Variants in PRKG1 observed in about 807,000 individuals in gnomAD.
PRKG1 encodes protein kinase cGMP-dependent 1, also known as cGMP-dependent protein kinase 1.
Under a neutral mutation model 88.1 loss-of-function variants are expected in PRKG1, and 35 were observed. That is an observed-to-expected ratio of 0.40 (90% CI 0.30 to 0.53). The LOEUF (loss-of-function observed/expected upper bound fraction) is 0.53, where lower values mean the gene tolerates loss of function less well. Ranked by LOEUF, PRKG1 falls within the 20% of genes least tolerant of loss-of-function variation. The pLI, the probability that PRKG1 is intolerant of heterozygous loss-of-function variation, is 0.59. For synonymous variants in PRKG1, 303 were observed against 292.5 expected (o/e 1.04, Z -0.37); for missense variants, 540 against 839.8 (o/e 0.64, Z 4.41).
intron 4 of PRKG1, among the ~76,000 whole-genome samples, chr10:51,860,445 G>A (rs1840843595): frequency 1.3e-5 from 2 of 152,174 alleles, no homozygotes; most frequent in African/African-American, 2.4e-5. Context: ...AGAAGGAAGT[G>A]ACACAAGTTA....
chr10:51,374,161 A>G (rs561515187), intron 2 of PRKG1, among the ~76,000 whole-genome samples: 8 of 149,824 alleles, frequency 5.3e-5, no homozygotes, highest in Admixed American at 3.3e-4. Flanking sequence ...GGTTTGTTAC[A>G]TAGGTATACA....
intron 3 of PRKG1, among the ~76,000 whole-genome samples, chr10:51,529,984 A>G (rs983599154): frequency 6.6e-6 from 1 of 152,036 alleles, no homozygotes; most frequent in Admixed American, 6.5e-5. Flanking sequence ...TAGCCTGGAG[A>G]TGCTTGCTCT....
chr10:51,113,740 A>AAAAC (rs1845033798), intron 1 of PRKG1, among the ~76,000 whole-genome samples: 1 of 127,922 alleles, frequency 7.8e-6, no homozygotes, highest in African/African-American at 2.6e-5. Flanking sequence ...AAAAAAAAAA[A>AAAAC]AAAAAAAAAC....
chr10:51,395,249 G>A (rs980979056), intron 2 of PRKG1, among the ~76,000 whole-genome samples: 36 of 152,030 alleles, frequency 2.4e-4, no homozygotes, highest in African/African-American at 8.5e-4. Context: ...CTTGCATATG[G>A]GACTTTAAGG....
chr10:51,254,326 T>A (rs998853525), intron 2 of PRKG1, among the ~76,000 whole-genome samples: 10 of 152,004 alleles, frequency 6.6e-5, no homozygotes, highest in African/African-American at 2.4e-4. Flanking sequence ...AATGTATACA[T>A]TTTTGCATGT....
intron 2 of PRKG1, among the ~76,000 whole-genome samples, chr10:51,255,925 T>C (rs1839546607): frequency 6.6e-6 from 1 of 152,056 alleles, no homozygotes; most frequent in African/African-American, 2.4e-5. Context: ...GCCACCTCCT[T>C]TTGCAGATGA....
At chr10:51,762,742 T>C (rs1838052275) in intron 3 of PRKG1, among the ~76,000 whole-genome samples, 1 of 152,198 alleles carries the variant, frequency 6.6e-6, no homozygotes, top group South Asian at 2.1e-4. Flanking sequence ...TAAACAATCC[T>C]TGCTCTCTTT....
At chr10:51,429,220 C>T (rs1453359390) in intron 2 of PRKG1, among the ~76,000 whole-genome samples, 2 of 152,170 alleles carry the variant, frequency 1.3e-5, no homozygotes, top group Non-Finnish European at 2.9e-5. Context: ...GCAATAATCA[C>T]TAAGAAGCCA....
intron 2 of PRKG1, among the ~76,000 whole-genome samples, chr10:51,287,319 G>A (rs1840468103): frequency 6.6e-6 from 1 of 152,112 alleles, no homozygotes; most frequent in Non-Finnish European, 1.5e-5. Flanking sequence ...CTCAGCCTGA[G>A]GTCCTTGATT....
intron 1 of PRKG1, among the ~76,000 whole-genome samples, chr10:51,028,581 G>GA (rs5784853): frequency 0.89 from 135,230 of 151,344 alleles, 60,587 homozygotes; most frequent in African/African-American, 0.96. Context: ...GAGAAGCCAG[G>GA]AAAAAAAAAT....
chr10:52,119,257 A>G (rs1425134401), intron 7 of PRKG1, among the ~76,000 whole-genome samples: 2 of 152,188 alleles, frequency 1.3e-5, no homozygotes, highest in Non-Finnish European at 2.9e-5. Context: ...ATCGACATGC[A>G]TAAAATCCTA....
intron 5 of PRKG1, among the ~76,000 whole-genome samples, chr10:51,954,046 A>G (rs16925235): frequency 0.22 from 33,092 of 152,008 alleles, 4,550 homozygotes; most frequent in East Asian, 0.65. Context: ...TTACAACCAG[A>G]CCTATTTTTC....
intron 1 of PRKG1, among the ~76,000 whole-genome samples, chr10:51,010,522 A>G (rs1034336368): frequency 6.6e-6 from 1 of 152,228 alleles, no homozygotes; most frequent in Non-Finnish European, 1.5e-5. Context: ...ATATATATAT[A>G]TGTGGTATCC....
chr10:51,973,451 T>C (rs1231233934), intron 5 of PRKG1, among the ~76,000 whole-genome samples: 3 of 152,184 alleles, frequency 2.0e-5, no homozygotes, highest in African/African-American at 7.2e-5. Context: ...TCTTCTAAAC[T>C]GGAAACCATT....
Position 51,538,145 on chromosome 10 carries a change from A to T in PRKG1, c.592+70309A>T, listed in dbSNP as rs1842204117. Among the ~76,000 whole-genome samples the T allele has an allele frequency of 2.0e-5, 3 of 152,096 alleles. 1 individual carries two copies. The South Asian group carries it at 6.2e-4, about 32-fold the overall frequency. On this transcript the variant is annotated intron_variant, in intron 3 of 17. Coordinates refer to ENST00000373980, the MANE Select transcript of PRKG1 (RefSeq NM_006258.4). ...ACTACACTGCACCATTTCTCTCATG[A>T]TCTTAGTAGCAACTGTTCAAACAAT... is the stretch of plus-strand genomic sequence containing the variant.
chr10:51,567,714 G>A (rs1713166181), intron 3 of PRKG1, among the ~76,000 whole-genome samples: 2 of 152,002 alleles, frequency 1.3e-5, no homozygotes, highest in South Asian at 4.1e-4. Flanking sequence ...AGTCTCCCAA[G>A]TAGCTGAAAC....
intron 1 of PRKG1, among the ~76,000 whole-genome samples, chr10:51,077,849 T>C (rs1369086641): frequency 6.6e-6 from 1 of 151,386 alleles, no homozygotes; most frequent in Non-Finnish European, 1.5e-5. Flanking sequence ...ACTACTAAAC[T>C]ATATTTGGAA....
intron 1 of PRKG1, chr10:51,062,560 A>G (rs2132784959): frequency 6.6e-6 from 1 of 152,300 alleles, no homozygotes; most frequent in South Asian, 2.1e-4. Flanking sequence ...CATCATCAGA[A>G]GAAGAAATCA....
chr10:51,734,080 A>T (rs948795192), intron 3 of PRKG1, among the ~76,000 whole-genome samples: 1 of 152,042 alleles, frequency 6.6e-6, no homozygotes, highest in African/African-American at 2.4e-5. Context: ...TTAAAAAAAA[A>T]TTATTATTTT....
Sources: gnomAD v4.1 joint callset for allele counts (sites outside exome capture counted in the v4.1 genomes callset) on GRCh38, gnomAD v4.1.1 for gene constraint, MANE v1.5 for transcripts, NCBI Gene and HGNC (gene_info 2026-07-23, HGNC 2026-07-21) for gene names.